The following TACC2 variants were observed in gnomAD, a reference collection of about 807,000 sequenced individuals.
TACC2 encodes transforming acidic coiled-coil containing protein 2.
TACC2 carries 137 observed loss-of-function variants against 227.3 expected under a neutral mutation model. That is an observed-to-expected ratio of 0.60 (90% CI 0.52 to 0.69). The LOEUF is 0.69. TACC2 is among the 30% of genes least tolerant of loss of function. TACC2 has a pLI of 0.00. For missense variants in TACC2, 3,470 were observed against 3,694.4 expected (o/e 0.94, Z 1.57); for synonymous variants, 1,523 against 1,487.5 (o/e 1.02, Z -0.55).
chr10:122,121,591 A>G (rs897921675), intron 5 of TACC2, among the ~76,000 whole-genome samples: 4 of 152,200 alleles, frequency 2.6e-5, no homozygotes, highest in African/African-American at 9.6e-5. Flanking sequence ...AATGTCTGGG[A>G]CTTTAAAAAA....
Position 122,132,706 on chromosome 10 carries a change from C to G in TACC2, c.5671C>G (p.Gln1891Glu), listed in dbSNP as rs1444420674. 1.2e-6 allele frequency: 2 copies of G among 1,614,186 alleles called. No homozygotes were observed. ...ASSYHGDVVGQVSTDLIAQSI... is the reference protein window; with the variant it reads ...ASSYHGDVVGEVSTDLIAQSI... ...TTCCTACCACGGTGATGTTGTTGGC[C>G]AGGTCTCTACGGATCTGATAGCCCA... Residue 1891 changes from glutamine (Q) to glutamate (E), a missense_variant, in exon 6 of 23, where the codon CAG (glutamine) becomes GAG (glutamate). Transcript: ENST00000369005.
chr10:122,085,682 C>G lies in TACC2; in HGVS notation c.3182C>G (p.Pro1061Arg), dbSNP rs1339848997. The G allele has an allele frequency of 6.2e-7, 1 of 1,613,742 alleles. No individual in the cohort carries two copies. The highest frequency in any genetic ancestry group is 1.1e-5 in the South Asian group (1 of 91,080). The part of the protein sequence containing the change: ...VALLDAVPCL[P>R]ALAPASPGVT... ...CTCCTGGATGCAGTTCCCTGCCTGC[C>G]AGCCCTGGCGCCCGCCAGCCCCGGA... Residue 1061 changes from proline to arginine, a missense_variant, in exon 4 of 23, where the codon CCA becomes CGA. By Grantham distance (103) the Pro-to-Arg change is moderately radical. This residue lies in a region of TACC2 where 1,924 missense variants were observed against 1,978.3 expected (regional missense o/e 0.97). Coordinates refer to ENST00000369005, the MANE Select transcript of TACC2 (RefSeq NM_206862.4).
chr10:122,030,647 G>A (rs1183971086), intron 2 of TACC2, among the ~76,000 whole-genome samples: 1 of 151,606 alleles, frequency 6.6e-6, no homozygotes, highest in Non-Finnish European at 1.5e-5. Context: ...TGTTTTTCTA[G>A]CTCTGCAAGT....
chr10:122,122,732 C>T (rs1383200332), intron 5 of TACC2, among the ~76,000 whole-genome samples: 1 of 152,106 alleles, frequency 6.6e-6, no homozygotes, highest in Non-Finnish European at 1.5e-5. Flanking sequence ...CTGTTCTTCG[C>T]CCTCTTAAGG....
At position 122,073,517 on chromosome 10, in the gene TACC2, T is replaced by C. The variant is rs557652354; in HGVS notation, c.147-9130T>C. Reference sequence around the variant, plus strand: ...CTCTCAAGGGCATCTGAAATGTCCTTACCAATTCTTCTTTTAATGTAAGGC... The same window carrying C: ...CTCTCAAGGGCATCTGAAATGTCCTCACCAATTCTTCTTTTAATGTAAGGC... On this transcript the variant is annotated intron_variant, in intron 3 of 22. Coordinates refer to ENST00000369005, the MANE Select transcript of TACC2 (RefSeq NM_206862.4). Among the ~76,000 whole-genome samples the C allele has an allele frequency of 2.0e-5, 3 of 152,288 alleles. No homozygotes were observed. In the South Asian group the frequency reaches 6.2e-4, roughly 32 times the overall value.
chr10:122,163,939 G>A, intron 7 of TACC2: 5 of 1,583,660 alleles, frequency 3.2e-6, no homozygotes, highest in Non-Finnish European at 4.3e-6. Context: ...GAGGGTCGCA[G>A]TCCCTGCAGC....
intron 7 of TACC2, among the ~76,000 whole-genome samples, chr10:122,178,287 AG>A (rs937502744): frequency 6.4e-5 from 9 of 141,680 alleles, no homozygotes; most frequent in Non-Finnish European, 1.4e-4. Flanking sequence ...CCTAGGCTGG[AG>A]TGCAGTGTCG....
intron 7 of TACC2, among the ~76,000 whole-genome samples, chr10:122,187,189 T>A (rs2094230990): frequency 6.6e-6 from 1 of 152,238 alleles, no homozygotes; most frequent in Non-Finnish European, 1.5e-5. Flanking sequence ...CAGACACATG[T>A]ATGCACACCC....
intron 5 of TACC2, among the ~76,000 whole-genome samples, chr10:122,104,356 C>A (rs1361065523): frequency 6.6e-6 from 1 of 151,990 alleles, no homozygotes; most frequent in Non-Finnish European, 1.5e-5. Flanking sequence ...AAAATGGCTT[C>A]ATTTTTATTT....
intron 16 of TACC2, among the ~76,000 whole-genome samples, chr10:122,234,139 C>G (rs1461532526): frequency 6.6e-6 from 1 of 152,244 alleles, no homozygotes; most frequent in Admixed American, 6.5e-5. Context: ...TGGCCTCTCT[C>G]TGCTCCAGGG....
chr10:121,995,354 A>G (rs1480605863), intron 1 of TACC2, among the ~76,000 whole-genome samples: 1 of 152,210 alleles, frequency 6.6e-6, no homozygotes, highest in African/African-American at 2.4e-5. Flanking sequence ...AGAATCCTAC[A>G]GTTCAGTTAA....
chr10:122,026,233 CAGG>C lies in TACC2; in HGVS notation c.33+4222_33+4224del, dbSNP rs1231000611. 1.2e-4 allele frequency among the ~76,000 whole-genome samples: 17 copies of C among 136,878 alleles called. 1 individual carries two copies. The South Asian group carries it at 2.3e-3, about 19-fold the overall frequency. 89.8% of individuals were successfully genotyped at this position (136,878 alleles called of 152,430 possible). On this transcript the variant is annotated intron_variant, in intron 2 of 22. Coordinates refer to ENST00000369005, the MANE Select transcript of TACC2 (RefSeq NM_206862.4). ...CTCCCAGCTACTCGGGAGGCTGAGG[CAGG>C]AGAATAGCATGAACCCGGGAGGCGG...
At chr10:122,231,168 C>T (rs10788261) in intron 16 of TACC2, among the ~76,000 whole-genome samples, 42,974 of 151,994 alleles carry the variant, frequency 0.28, 7,391 homozygotes, top group East Asian at 0.52. Flanking sequence ...GAAATCTTTT[C>T]GCCTGGCTTC....
intron 7 of TACC2, among the ~76,000 whole-genome samples, chr10:122,172,052 G>A (rs1385110769): frequency 6.6e-6 from 1 of 152,174 alleles, no homozygotes; most frequent in African/African-American, 2.4e-5. Context: ...GCCCAGAGGT[G>A]GTTGGACAAA....
intron 7 of TACC2, among the ~76,000 whole-genome samples, chr10:122,164,350 A>C (rs2093019309): frequency 2.0e-5 from 3 of 152,018 alleles, no homozygotes; most frequent in African/African-American, 7.2e-5. Flanking sequence ...GGAAGAACCC[A>C]TGAGCGTGGC....
chr10:122,120,237 C>T (rs2085474610), intron 5 of TACC2, among the ~76,000 whole-genome samples: 3 of 152,204 alleles, frequency 2.0e-5, no homozygotes, highest in South Asian at 2.1e-4. Context: ...CTGCCCTGCT[C>T]CCCCGCCTGG....
intron 10 of TACC2, among the ~76,000 whole-genome samples, chr10:122,216,273 T>C (rs2095404524): frequency 1.3e-5 from 2 of 152,188 alleles, no homozygotes; most frequent in Admixed American, 1.3e-4. Flanking sequence ...TGTCAGGTGA[T>C]TCTGGTGATA....
At chr10:122,024,162 G>T (rs2459084) in intron 2 of TACC2, among the ~76,000 whole-genome samples, 61,210 of 151,840 alleles carry the variant, frequency 0.4, 12,931 homozygotes, top group African/African-American at 0.5. Flanking sequence ...CAGTCCTGGA[G>T]TTGAAGATTA....
chr10:122,064,877 T>C (rs1165589266), intron 3 of TACC2, among the ~76,000 whole-genome samples: 1 of 152,218 alleles, frequency 6.6e-6, no homozygotes, highest in Non-Finnish European at 1.5e-5. Context: ...TGAATGCTTA[T>C]AGTCCTGTAT....
Sources: allele counts gnomAD v4.1 joint callset (sites outside exome capture counted in the v4.1 genomes callset), GRCh38; gene constraint gnomAD v4.1.1; regional missense constraint gnomAD v4.1.1; transcripts MANE v1.5; gene names NCBI Gene and HGNC (gene_info 2026-07-23, HGNC 2026-07-21).